Variants in MAP4K3 observed in about 807,000 individuals in gnomAD.
MAP4K3 encodes mitogen-activated protein kinase kinase kinase kinase 3, also known as MAPK/ERK kinase kinase kinase 3.
Under a neutral mutation model 143.5 loss-of-function variants are expected in MAP4K3, and 94 were observed. The ratio of observed to expected loss-of-function variants is 0.65; its 90% CI spans 0.55 to 0.78. MAP4K3 has a LOEUF of 0.78. MAP4K3 is among the 30% of genes least tolerant of loss of function. The pLI is 0.00. For synonymous variants in MAP4K3, 416 were observed against 347.2 expected, an observed-to-expected ratio of 1.20 and a Z score of -2.20; for missense variants, 1,077 against 1,068.1, an observed-to-expected ratio of 1.01 and a Z score of -0.12.
In MAP4K3 at chr2:39,272,364, C is replaced by G; in HGVS notation, c.1892G>C (p.Gly631Ala). The G allele has an allele frequency of 6.2e-7, 1 of 1,613,470 alleles. No homozygotes were observed. The highest frequency in any genetic ancestry group is 8.5e-7 in the Non-Finnish European group (1 of 1,179,772). Residue 631 changes from glycine (G) to alanine (A), a missense_variant, in exon 26 of 34, where the codon GGG (glycine) becomes GCG (alanine). By Grantham distance (60) the Gly-to-Ala change is moderately conservative. Coordinates refer to ENST00000263881, the MANE Select transcript of MAP4K3 (RefSeq NM_003618.4). Reference sequence around the variant, plus strand: ...CATTTGTCTTGCATAATCAAAAAGCCCTGGTAAATTATGGGAATAAAGCTG... The same window carrying G: ...CATTTGTCTTGCATAATCAAAAAGCGCTGGTAAATTATGGGAATAAAGCTG... ...ASQLYSHNLP[G>A]LFDYARQMQK...
chr2:39,334,433 AG>A, intron 6 of MAP4K3, among the ~76,000 whole-genome samples: 1 of 93,318 alleles, frequency 1.1e-5, no homozygotes, highest in African/African-American at 2.6e-5. Flanking sequence ...CACAGGAGAC[AG>A]GGGGTTGGGG....
At chr2:39,353,141 C>T (rs764555846) in intron 3 of MAP4K3, among the ~76,000 whole-genome samples, 65 of 152,150 alleles carry the variant, frequency 4.3e-4, no homozygotes, top group Non-Finnish European at 8.5e-4. Context: ...ACTAATGAGA[C>T]GTTGGATAGA....
intron 13 of MAP4K3, among the ~76,000 whole-genome samples, chr2:39,310,028 T>G (rs559826428): frequency 4.6e-5 from 7 of 152,320 alleles, no homozygotes; most frequent in African/African-American, 1.7e-4. Flanking sequence ...ATATGCGATA[T>G]TTTGATACAC....
intron 1 of MAP4K3, among the ~76,000 whole-genome samples, chr2:39,407,354 A>G (rs534947143): frequency 1.4e-5 from 2 of 144,016 alleles, no homozygotes; most frequent in African/African-American, 5.0e-5. Flanking sequence ...ACTTAAAGGA[A>G]AAAAAAAAAA....
At chr2:39,366,792 G>A (rs1442216889) in intron 2 of MAP4K3, among the ~76,000 whole-genome samples, 2 of 152,100 alleles carry the variant, frequency 1.3e-5, no homozygotes, top group African/African-American at 4.8e-5. Context: ...AATTATCAGG[G>A]TATCTTGAAA....
intron 16 of MAP4K3, among the ~76,000 whole-genome samples, chr2:39,297,005 G>T (rs1005638446): frequency 6.6e-6 from 1 of 152,080 alleles, no homozygotes; most frequent in Non-Finnish European, 1.5e-5. Flanking sequence ...ACTCAACTGT[G>T]CCAGGAATTG....
At chr2:39,252,600 A>G (rs1680195340) in intron 32 of MAP4K3, among the ~76,000 whole-genome samples, 1 of 152,276 alleles carries the variant, frequency 6.6e-6, no homozygotes, top group South Asian at 2.1e-4. Context: ...GAATAAATAT[A>G]CAAGAAAAAG....
At chr2:39,406,844 G>A (rs887117712) in intron 1 of MAP4K3, among the ~76,000 whole-genome samples, 3 of 152,176 alleles carry the variant, frequency 2.0e-5, no homozygotes, top group African/African-American at 7.2e-5. Context: ...CACTGTAATT[G>A]CGGTATGTAA....
intron 28 of MAP4K3, among the ~76,000 whole-genome samples, chr2:39,263,438 A>ATTTT (rs34894620): frequency 7.3e-6 from 1 of 137,416 alleles, no homozygotes; most frequent in African/African-American, 2.7e-5. Flanking sequence ...ACGCCCGGCT[A>ATTTT]TTTTTTTTTT....
chr2:39,308,655 T>A (rs1390896277), intron 14 of MAP4K3, among the ~76,000 whole-genome samples: 1 of 152,178 alleles, frequency 6.6e-6, no homozygotes, highest in Non-Finnish European at 1.5e-5. Flanking sequence ...CATTTTTTTA[T>A]TGTTCTATAG....
intron 24 of MAP4K3, among the ~76,000 whole-genome samples, chr2:39,278,004 AG>A (rs1386497266): frequency 1.4e-5 from 2 of 140,680 alleles, no homozygotes; most frequent in Non-Finnish European, 3.1e-5. Context: ...AAAATTAGCC[AG>A]GCATGGTGGC....
rs148640926 is a variant in MAP4K3 at position 39,376,969 on chromosome 2, C to T, written c.154+1097G>A. Among the ~76,000 whole-genome samples the T allele has an allele frequency of 1.4e-3, 219 of 152,150 alleles. 1 individual carries two copies. Among genetic ancestry groups the T allele is most frequent in the African/African-American group, 4.9e-3 (204 of 41,522 alleles). On this transcript the variant is annotated intron_variant, in intron 2 of 33. Coordinates refer to ENST00000263881, the MANE Select transcript of MAP4K3 (RefSeq NM_003618.4). ...TTGTCTTGCGATGTTTAGAATATAA[C>T]GACTACATAAAATCTGTAAATATGT...
At chr2:39,371,321 A>G (rs944262756) in intron 2 of MAP4K3, among the ~76,000 whole-genome samples, 1 of 152,210 alleles carries the variant, frequency 6.6e-6, no homozygotes, top group Non-Finnish European at 1.5e-5. Flanking sequence ...AATGAACCCA[A>G]GGTTCTTTGT....
intron 2 of MAP4K3, among the ~76,000 whole-genome samples, chr2:39,370,875 T>G (rs577565879): frequency 6.6e-6 from 1 of 152,316 alleles, no homozygotes; most frequent in African/African-American, 2.4e-5. Context: ...ATTCTGACTT[T>G]AAATCACAAA....
intron 2 of MAP4K3, among the ~76,000 whole-genome samples, chr2:39,372,396 C>A (rs1461650666): frequency 6.7e-6 from 1 of 150,250 alleles, no homozygotes; most frequent in Non-Finnish European, 1.5e-5. Context: ...CAATTCCTAT[C>A]AAAATATGAA....
intron 4 of MAP4K3, among the ~76,000 whole-genome samples, chr2:39,342,083 G>A (rs1444765485): frequency 6.6e-6 from 1 of 151,040 alleles, no homozygotes; most frequent in African/African-American, 2.4e-5. Context: ...CTTCATCTCT[G>A]AAAATGCACT....
chr2:39,426,013 T>A (rs1326553702), intron 1 of MAP4K3, among the ~76,000 whole-genome samples: 1 of 152,102 alleles, frequency 6.6e-6, no homozygotes, highest in Admixed American at 6.5e-5. Context: ...TCAAAGTATC[T>A]CCCCATAATT....
intron 1 of MAP4K3, among the ~76,000 whole-genome samples, chr2:39,424,466 C>T (rs1664999521): frequency 6.6e-6 from 1 of 152,066 alleles, no homozygotes; most frequent in Non-Finnish European, 1.5e-5. Flanking sequence ...CACATTGGAA[C>T]GGAGACCCCC....
intron 1 of MAP4K3, among the ~76,000 whole-genome samples, chr2:39,427,069 C>A (rs1206072051): frequency 2.0e-5 from 3 of 151,918 alleles, no homozygotes; most frequent in Admixed American, 6.6e-5. Flanking sequence ...AAAAGTCAAA[C>A]AGGGAGGAAA....
Sources: gnomAD v4.1 joint callset for allele counts (sites outside exome capture counted in the v4.1 genomes callset) on GRCh38, gnomAD v4.1.1 for gene constraint, MANE v1.5 for transcripts, NCBI Gene and HGNC (gene_info 2026-07-23, HGNC 2026-07-21) for gene names.